Variants in CTPS2 observed in about 807,000 individuals in gnomAD.
The protein encoded by CTPS2 is CTP synthase 2.
A neutral mutation model predicts 46.8 loss-of-function variants in CTPS2; 19 were observed. That is an observed-to-expected ratio of 0.41 (90% CI 0.28 to 0.60). The LOEUF is 0.60. CTPS2 is among the 20% of genes least tolerant of loss of function. CTPS2 has a pLI of 0.35. For missense variants in CTPS2, 286 were observed against 447.6 expected (o/e 0.64, Z 3.26); for synonymous variants, 151 against 165.2 (o/e 0.91, Z 0.66).
intron 10 of CTPS2, 49 bp from the exon 11 acceptor site, chrX:16,670,723 T>A (rs965539532): frequency 3.9e-5 from 34 of 867,034 alleles, no homozygotes; most frequent in African/African-American, 8.1e-5. Flanking sequence ...ATTTTTTTTT[T>A]AAACTAGTGT....
chrX:16,655,194 T>C (rs1196702733), intron 13 of CTPS2, among the ~76,000 whole-genome samples: 1 of 112,366 alleles, frequency 8.9e-6, no homozygotes, highest in Non-Finnish European at 1.9e-5. Flanking sequence ...CTGTGCTTTC[T>C]TAATGAATGA....
At chrX:16,696,234 G>T (rs1184244581) in intron 4 of CTPS2, among the ~76,000 whole-genome samples, 1 of 112,199 alleles carries the variant, frequency 8.9e-6, no homozygotes, top group Non-Finnish European at 1.9e-5. Flanking sequence ...AGCTTTGGCA[G>T]TCCTTCTTCA....
chrX:16,692,860 C>G (rs1023054427), intron 6 of CTPS2, among the ~76,000 whole-genome samples: 1 of 110,086 alleles, frequency 9.1e-6, no homozygotes, highest in Non-Finnish European at 1.9e-5. Flanking sequence ...GAATTCAAGA[C>G]CAGCCTAGCC....
rs1468738245 is a variant in CTPS2, at chrX:16,712,643, C to T, written c.-348G>A. 1 of 113,345 alleles carries T rather than the reference C, an allele frequency of 8.8e-6. No individual in the cohort carries two copies. Among genetic ancestry groups the T allele is most frequent in the East Asian group, 2.8e-4 (1 of 3,557 alleles). The allele number at this position is 113,345 out of a possible 1,213,427, so 9.3% of individuals were successfully genotyped here. ...AGTGATTCCTCCAGCACAGGCAGCT[C>T]CCGTCACCCTCCGCTCTGGACGCAC... On this transcript the variant is annotated 5_prime_UTR_variant, in exon 1 of 19. Coordinates refer to ENST00000359276, the MANE Select transcript of CTPS2 (RefSeq NM_175859.3).
intron 13 of CTPS2, among the ~76,000 whole-genome samples, chrX:16,660,506 A>T (rs1932921092): frequency 9.0e-6 from 1 of 110,974 alleles, no homozygotes; most frequent in African/African-American, 3.3e-5. Context: ...GGTTCAAGCG[A>T]TTCCCCTGCC....
chrX:16,663,914 G>C (rs1318331332), intron 13 of CTPS2, among the ~76,000 whole-genome samples: 18 of 110,665 alleles, frequency 1.6e-4, no homozygotes, highest in South Asian at 3.8e-4. Context: ...CGGCTCACTG[G>C]AAGCTCTGCC....
At chrX:16,701,471 A>T (rs752118965) in intron 2 of CTPS2, among the ~76,000 whole-genome samples, 4 of 111,044 alleles carry the variant, frequency 3.6e-5, no homozygotes, top group Non-Finnish European at 7.6e-5. Flanking sequence ...AAGCAGGAGG[A>T]TCACTTGAGC....
intron 2 of CTPS2, among the ~76,000 whole-genome samples, chrX:16,701,716 T>C (rs1233389705): frequency 9.1e-6 from 1 of 109,506 alleles, no homozygotes; most frequent in East Asian, 3.0e-4. Flanking sequence ...TTCTCCCACC[T>C]TAGCCTCCCG....
chrX:16,655,565 C>T (rs1370263731), intron 13 of CTPS2, among the ~76,000 whole-genome samples: 2 of 110,874 alleles, frequency 1.8e-5, no homozygotes, highest in African/African-American at 3.3e-5. Context: ...TTCTGCTACC[C>T]CTTACCAGAT....
intron 13 of CTPS2, among the ~76,000 whole-genome samples, chrX:16,656,150 A>G (rs1421756450): frequency 9.0e-6 from 1 of 111,620 alleles, no homozygotes; most frequent in Non-Finnish European, 1.9e-5. Flanking sequence ...CTTGTTTCTA[A>G]TCGCCACCCC....
At chrX:16,629,663 A>G (rs1320525631) in intron 14 of CTPS2, among the ~76,000 whole-genome samples, 3 of 111,323 alleles carry the variant, frequency 2.7e-5, no homozygotes, top group Non-Finnish European at 5.7e-5. Flanking sequence ...CTGTTTTTCC[A>G]TATCAATGCT....
At chrX:16,650,511 C>CTTTTT (rs1167079038) in intron 13 of CTPS2, among the ~76,000 whole-genome samples, 10 of 77,165 alleles carry the variant, frequency 1.3e-4, no homozygotes, top group African/African-American at 3.4e-4. Flanking sequence ...TCTAAGATGT[C>CTTTTT]TTTTTTTTTT....
At chrX:16,684,055 A>T (rs748082894) in intron 8 of CTPS2, among the ~76,000 whole-genome samples, 2 of 112,155 alleles carry the variant, frequency 1.8e-5, no homozygotes, top group South Asian at 7.4e-4. Context: ...TTTTGTCAGG[A>T]AATCTGTTCA....
chrX:16,634,384 C>G (rs932580959), intron 14 of CTPS2, among the ~76,000 whole-genome samples: 9 of 111,360 alleles, frequency 8.1e-5, no homozygotes, highest in African/African-American at 2.9e-4. Flanking sequence ...TTCTAAGGAC[C>G]CTTGAATCAG....
chrX:16,619,118 T>C (rs6527691), intron 15 of CTPS2, among the ~76,000 whole-genome samples: 21,397 of 111,920 alleles, frequency 0.19, 1,623 homozygotes, highest in Middle Eastern at 0.29. Flanking sequence ...ATGTCCTACA[T>C]GTACCAAATT....
rs6629172 is a variant in CTPS2 at position 16,694,006 on chromosome X, A to G, written c.439-519T>C. Among the ~76,000 whole-genome samples, 35 of 109,290 alleles carry G rather than the reference A, an allele frequency of 3.2e-4. 1 individual carries two copies. The East Asian group carries it at 8.7e-3, about 27-fold the overall frequency. 94.9% of individuals were successfully genotyped at this position (109,290 alleles called of 115,157 possible). A position where few individuals can be genotyped will look rare whatever the true frequency, so the allele number is the denominator to read the frequency against. ...TGGTGAAACCCTGTCTCTACTAAAA[A>G]TACAAAAATTAGCTGGACGTGGTGG... On this transcript the variant is annotated intron_variant, in intron 4 of 18. Transcript: ENST00000359276.
chrX:16,611,522 TAA>T (rs34923654), intron 16 of CTPS2, among the ~76,000 whole-genome samples: 49 of 84,848 alleles, frequency 5.8e-4, no homozygotes, highest in African/African-American at 8.4e-4. Flanking sequence ...TTGAAATTAT[TAA>T]AAAAAAAAAA....
At chrX:16,654,666 C>T in intron 13 of CTPS2, 1 of 337,846 alleles carries the variant, frequency 3.0e-6, no homozygotes, top group Non-Finnish European at 5.2e-6. Flanking sequence ...AATTATTAGA[C>T]ATACCTTACT....
intron 13 of CTPS2, among the ~76,000 whole-genome samples, chrX:16,655,209 C>T (rs964899484): frequency 6.2e-5 from 7 of 112,216 alleles, no homozygotes; most frequent in Admixed American, 2.8e-4. Context: ...GAATGACCCT[C>T]GACGGGGAAC....
Sources: gnomAD v4.1 joint callset for allele counts (sites outside exome capture counted in the v4.1 genomes callset) on GRCh38, gnomAD v4.1.1 for gene constraint, MANE v1.5 for transcripts, NCBI Gene and HGNC (gene_info 2026-07-23, HGNC 2026-07-21) for gene names.